Variants in WWOX observed in about 807,000 individuals in gnomAD.
WWOX encodes the protein WW domain-containing oxidoreductase.
Under a neutral mutation model 46.2 loss-of-function variants are expected in WWOX, and 69 were observed. The ratio of observed to expected loss-of-function variants is 1.49; its 90% CI spans 1.23 to 1.82. WWOX has a LOEUF of 1.82. Among genes scored for constraint, WWOX ranks in the 40% most tolerant of loss-of-function variants. The probability of loss-of-function intolerance (pLI) is 0.00; values close to 1 mark genes in which losing one functional copy is unlikely to be tolerated. For synonymous variants in WWOX, 359 were observed against 202.6 expected, an observed-to-expected ratio of 1.77 and a Z score of -6.56; for missense variants, 919 against 542.6, an observed-to-expected ratio of 1.69 and a Z score of -6.89.
At chr16:79,134,054 A>T (rs568186379) in intron 8 of WWOX, among the ~76,000 whole-genome samples, 12 of 152,136 alleles carry the variant, frequency 7.9e-5, no homozygotes, top group Non-Finnish European at 1.8e-4. Flanking sequence ...TGCTATGGCC[A>T]TAGAGGTTTG....
intron 8 of WWOX, among the ~76,000 whole-genome samples, chr16:79,196,925 C>G (rs939690898): frequency 2.6e-5 from 4 of 152,170 alleles, no homozygotes; most frequent in African/African-American, 4.8e-5. Flanking sequence ...GAGCATCTTT[C>G]AATTCCTTGA....
At chr16:78,423,222 T>A (rs1318330255) in intron 6 of WWOX, among the ~76,000 whole-genome samples, 1 of 152,180 alleles carries the variant, frequency 6.6e-6, no homozygotes, top group African/African-American at 2.4e-5. Context: ...TCTATCTCTT[T>A]CTTTCTCTTT....
chr16:78,351,998 C>G (rs944641886), intron 5 of WWOX, among the ~76,000 whole-genome samples: 12 of 152,134 alleles, frequency 7.9e-5, no homozygotes, highest in African/African-American at 2.7e-4. Context: ...GAGTCAAACA[C>G]TCAAATGTTT....
intron 8 of WWOX, among the ~76,000 whole-genome samples, chr16:78,683,656 C>A (rs1338900031): frequency 6.6e-6 from 1 of 152,156 alleles, no homozygotes; most frequent in Non-Finnish European, 1.5e-5. Context: ...CCTGCCTCGG[C>A]TTCCCAAAGT....
In WWOX at chr16:78,410,210, C is replaced by T. The variant is rs2082646279; in HGVS notation, c.606-14660C>T. 3.3e-5 allele frequency among the ~76,000 whole-genome samples: 5 copies of T among 152,336 alleles called. No individual in the cohort carries two copies. The South Asian group carries it at 1.0e-3, about 32-fold the overall frequency. ...CTGAGGCCTCACCGGAAGCCAAGCA[C>T]ATGCTTCTTGTAGAGTCTGCAGAAT... On this transcript the variant is annotated intron_variant, in intron 6 of 8. Transcript: ENST00000566780.
intron 8 of WWOX, among the ~76,000 whole-genome samples, chr16:78,958,591 C>T (rs1419587778): frequency 6.6e-6 from 1 of 152,174 alleles, no homozygotes; most frequent in East Asian, 1.9e-4. Context: ...TTTAACAGTG[C>T]TGCCCCTCTC....
rs879395798 is a variant in WWOX, at chr16:78,342,500, A to G, written c.517-44360A>G. On this transcript the variant is annotated intron_variant, in intron 5 of 8. Transcript: ENST00000566780. ...CATTTGTTGCTTCCATCAACATTCCACTGGCGAGAGTGAGTCCCTGGCCCC... is the reference window on the plus strand; with the variant it reads ...CATTTGTTGCTTCCATCAACATTCCGCTGGCGAGAGTGAGTCCCTGGCCCC... Among the ~76,000 whole-genome samples the G allele has an allele frequency of 3.3e-5, 4 of 119,894 alleles. 1 individual carries two copies. The highest frequency in any genetic ancestry group is 1.6e-4 in the Admixed American group (2 of 12,266). The allele number at this position is 119,894 out of a possible 152,430, so 78.7% of individuals were successfully genotyped here.
chr16:78,504,193 G>C (rs956092220), intron 8 of WWOX, among the ~76,000 whole-genome samples: 4 of 152,152 alleles, frequency 2.6e-5, no homozygotes, highest in African/African-American at 9.7e-5. Context: ...GTATAGAAAT[G>C]CATCTGTGGA....
chr16:78,463,194 A>G (rs754448592), intron 8 of WWOX, among the ~76,000 whole-genome samples: 8 of 152,356 alleles, frequency 5.3e-5, no homozygotes, highest in Middle Eastern at 6.8e-3. Context: ...GCACTGAGGA[A>G]TTATACACTT....
At chr16:78,724,071 C>G (rs2048764926) in intron 8 of WWOX, among the ~76,000 whole-genome samples, 2 of 152,094 alleles carry the variant, frequency 1.3e-5, no homozygotes, top group Non-Finnish European at 1.5e-5. Flanking sequence ...TATCTCAGAT[C>G]CAACCTCTTT....
chr16:78,494,516 G>A (rs2084862726), intron 8 of WWOX, among the ~76,000 whole-genome samples: 1 of 152,176 alleles, frequency 6.6e-6, no homozygotes, highest in Admixed American at 6.5e-5. Flanking sequence ...AATAAAAACG[G>A]CAACAAATAA....
intron 8 of WWOX, among the ~76,000 whole-genome samples, chr16:78,536,440 C>G (rs775474241): frequency 6.6e-6 from 1 of 151,810 alleles, no homozygotes; most frequent in African/African-American, 2.4e-5. Context: ...ACAAGGCAGG[C>G]TGAATGCAGC....
intron 8 of WWOX, among the ~76,000 whole-genome samples, chr16:78,473,782 C>T (rs957862300): frequency 6.6e-6 from 1 of 152,152 alleles, no homozygotes; most frequent in African/African-American, 2.4e-5. Context: ...GGCAGCCCAC[C>T]AGTGGTCCCC....
At chr16:78,144,278 T>C (rs911906309) in intron 4 of WWOX, among the ~76,000 whole-genome samples, 1 of 150,776 alleles carries the variant, frequency 6.6e-6, no homozygotes, top group Non-Finnish European at 1.5e-5. Flanking sequence ...TTCTATTTAG[T>C]CTTCAGTACA....
chr16:78,684,387 A>C (rs992732956), intron 8 of WWOX, among the ~76,000 whole-genome samples: 1 of 152,192 alleles, frequency 6.6e-6, no homozygotes, highest in Non-Finnish European at 1.5e-5. Flanking sequence ...AGGGAGTGCC[A>C]GTGGGTAGGG....
chr16:78,763,276 T>C lies in WWOX; in HGVS notation c.1056+330524T>C, dbSNP rs560624772. Among the ~76,000 whole-genome samples the C allele has an allele frequency of 5.2e-3, 792 of 152,382 alleles. 6 individuals are homozygous for C. Among genetic ancestry groups the C allele is most frequent in the African/African-American group, 0.018 (744 of 41,594 alleles). On this transcript the variant is annotated intron_variant, in intron 8 of 8. Transcript: ENST00000566780. ...CTGCATCCTGCAAATTTTGGTATGT[T>C]GTATTTTCATTCTCATTAATTCAAA...
chr16:78,762,589 C>T (rs554139371), intron 8 of WWOX, among the ~76,000 whole-genome samples: 2 of 152,314 alleles, frequency 1.3e-5, no homozygotes, highest in Non-Finnish European at 2.9e-5. Flanking sequence ...ACAGTACTAA[C>T]AGTGGGCACA....
intron 8 of WWOX, among the ~76,000 whole-genome samples, chr16:78,517,168 G>A (rs1249388403): frequency 2.0e-5 from 3 of 152,112 alleles, no homozygotes; most frequent in Non-Finnish European, 4.4e-5. Context: ...GCATTTTATA[G>A]GAGTGTGAAT....
intron 8 of WWOX, among the ~76,000 whole-genome samples, chr16:78,831,088 C>G (rs186397555): frequency 2.0e-5 from 3 of 152,178 alleles, no homozygotes; most frequent in South Asian, 4.1e-4. Flanking sequence ...GACTGCGTTC[C>G]TAGCCCTCCA....
Sources: gnomAD v4.1 joint callset for allele counts (sites outside exome capture counted in the v4.1 genomes callset) on GRCh38, gnomAD v4.1.1 for gene constraint, MANE v1.5 for transcripts, NCBI Gene and HGNC (gene_info 2026-07-23, HGNC 2026-07-21) for gene names.